The following CACNA1A variants were observed in gnomAD, a reference collection of about 807,000 sequenced individuals.
CACNA1A encodes the protein voltage-dependent P/Q-type calcium channel subunit alpha-1A.
In CACNA1A, 57 loss-of-function variants were observed where a neutral mutation model predicts 262.4. The ratio of observed to expected loss-of-function variants is 0.22; its 90% CI spans 0.18 to 0.27. The LOEUF (loss-of-function observed/expected upper bound fraction) is 0.27, where lower values mean the gene tolerates loss of function less well. Among genes scored for constraint, CACNA1A ranks in the 10% least tolerant of loss-of-function variants. The probability of loss-of-function intolerance (pLI) is 1.00; values close to 1 mark genes in which losing one functional copy is unlikely to be tolerated. For synonymous variants in CACNA1A, 1,431 were observed against 1,419.3 expected (o/e 1.01, Z -0.18); for missense variants, 2,526 against 3,562.8 (o/e 0.71, Z 7.41).
rs944209745 is a variant in CACNA1A at position 13,435,657 on chromosome 19, G to C, written c.539+17219C>G. Among the ~76,000 whole-genome samples, 4 of 152,114 alleles carry C rather than the reference G, an allele frequency of 2.6e-5. No homozygotes were observed. The South Asian group carries it at 6.2e-4, about 24-fold the overall frequency. On this transcript the variant is annotated intron_variant, in intron 3 of 46. Coordinates refer to ENST00000360228, the MANE Select transcript of CACNA1A (RefSeq NM_001127222.2). ...TAATTTACTCAAGATATTGAGAATA[G>C]CACTAGGTACAAATTGTGGATGAAT...
intron 6 of CACNA1A, among the ~76,000 whole-genome samples, chr19:13,358,743 C>A (rs1228772897): frequency 6.6e-6 from 1 of 152,118 alleles, no homozygotes; most frequent in Non-Finnish European, 1.5e-5. Context: ...CAAAAGCAGA[C>A]CACATACTAC....
intron 6 of CACNA1A, among the ~76,000 whole-genome samples, chr19:13,355,868 T>A (rs2058999494): frequency 6.6e-6 from 1 of 152,170 alleles, no homozygotes; most frequent in African/African-American, 2.4e-5. Context: ...CCGTGGCCTT[T>A]ACCCACTTGA....
rs77251294 is a variant in CACNA1A, at chr19:13,417,494, G to A, written c.539+35382C>T. 1.3e-4 allele frequency among the ~76,000 whole-genome samples: 20 copies of A among 152,264 alleles called. No homozygotes were observed. The East Asian group carries it at 3.1e-3, about 24-fold the overall frequency. ...TGAGGCAGCCTCCATCAAACCAGTC[G>A]TGGATTCTCTGTTTCTGTAGAGCTC... On this transcript the variant is annotated intron_variant, in intron 3 of 46. Transcript: ENST00000360228.
At chr19:13,359,886 T>C (rs2059072079) in intron 5 of CACNA1A, 87 bp from the exon 6 acceptor site, 5 of 840,164 alleles carry the variant, frequency 6.0e-6, no homozygotes, top group East Asian at 2.8e-5. Context: ...TATAATGCTG[T>C]TGGAACGAAT....
intron 3 of CACNA1A, among the ~76,000 whole-genome samples, chr19:13,384,523 C>A (rs183335910): frequency 4.8e-4 from 73 of 152,302 alleles, no homozygotes; most frequent in African/African-American, 1.7e-3. Context: ...CATGGCAAAA[C>A]TCCGTCTCTA....
At chr19:13,385,537 T>C (rs1303425188) in intron 3 of CACNA1A, among the ~76,000 whole-genome samples, 1 of 152,032 alleles carries the variant, frequency 6.6e-6, no homozygotes, top group East Asian at 1.9e-4. Context: ...CTTCTTTTCT[T>C]TTTTAGAGAC....
intron 11 of CACNA1A, 32 bp from the exon 12 acceptor site, chr19:13,312,813 G>T: frequency 1.7e-6 from 2 of 1,173,658 alleles, no homozygotes; most frequent in Admixed American, 2.5e-5. Context: ...CAGAGAGGAG[G>T]TTAGGCTTGC....
chr19:13,500,465 C>T (rs1371432230), intron 1 of CACNA1A, among the ~76,000 whole-genome samples: 3 of 152,240 alleles, frequency 2.0e-5, no homozygotes, highest in Admixed American at 1.3e-4. Context: ...TTTCTCTGAC[C>T]GGGATTTAAC....
chr19:13,412,137 C>T (rs994383801), intron 3 of CACNA1A, among the ~76,000 whole-genome samples: 2 of 152,114 alleles, frequency 1.3e-5, no homozygotes, highest in Non-Finnish European at 2.9e-5. Context: ...TTGAGGCCTC[C>T]GTTACTGCTT....
intron 3 of CACNA1A, among the ~76,000 whole-genome samples, chr19:13,429,823 T>C (rs2060472427): frequency 6.6e-6 from 1 of 151,702 alleles, no homozygotes; most frequent in African/African-American, 2.4e-5. Flanking sequence ...ACAATATGGA[T>C]GAGACTGGAG....
chr19:13,414,632 A>C (rs1055257431), intron 3 of CACNA1A, among the ~76,000 whole-genome samples: 7 of 152,074 alleles, frequency 4.6e-5, no homozygotes, highest in African/African-American at 1.7e-4. Context: ...GAGAAGAGAA[A>C]ATGTCTTAGC....
intron 19 of CACNA1A, 90 bp from the exon 20 acceptor site, chr19:13,287,056 A>T: frequency 5.3e-6 from 6 of 1,139,354 alleles, no homozygotes; most frequent in Non-Finnish European, 7.4e-6. Flanking sequence ...TCCATCTTTC[A>T]AGAGTACAAT....
chr19:13,473,730 C>G (rs1010755735), intron 1 of CACNA1A, among the ~76,000 whole-genome samples: 2 of 148,160 alleles, frequency 1.3e-5, no homozygotes, highest in Admixed American at 6.9e-5. Flanking sequence ...CATCCCAGTT[C>G]CAGGCACATG....
At chr19:13,252,959 G>GC in intron 30 of CACNA1A, 32 bp downstream of exon 30, 1 of 1,442,558 alleles carries the variant, frequency 6.9e-7, no homozygotes, top group South Asian at 1.1e-5. Flanking sequence ...CTTCTCCCAA[G>GC]CCCATAGCTG....
chr19:13,393,522 C>T (rs887968777), intron 3 of CACNA1A, among the ~76,000 whole-genome samples: 33 of 96,182 alleles, frequency 3.4e-4, no homozygotes, highest in East Asian at 2.5e-3. Context: ...CCTTCCTTCC[C>T]TCCCTCCTTC....
chr19:13,460,687 C>T (rs975057014), intron 1 of CACNA1A, among the ~76,000 whole-genome samples: 32 of 152,012 alleles, frequency 2.1e-4, no homozygotes, highest in Admixed American at 8.5e-4. Context: ...ACAGCAACGC[C>T]GGCCTCCCTT....
intron 1 of CACNA1A, among the ~76,000 whole-genome samples, chr19:13,471,976 T>C (rs780844280): frequency 1.2e-4 from 18 of 152,182 alleles, no homozygotes; most frequent in Non-Finnish European, 2.4e-4. Flanking sequence ...AAAAATTATT[T>C]TATTGAGACA....
intron 25 of CACNA1A, chr19:13,261,871 A>G (rs2056742418): frequency 2.6e-6 from 1 of 381,540 alleles, no homozygotes; most frequent in Admixed American, 4.1e-5. Flanking sequence ...AGCCCAACAC[A>G]GAAAAACAAG....
intron 11 of CACNA1A, chr19:13,315,445 C>A (rs1005269789): frequency 6.6e-6 from 1 of 152,068 alleles, no homozygotes; most frequent in African/African-American, 2.4e-5. Context: ...GAGTAAAGGA[C>A]CTTTATAGAC....
Sources: allele counts gnomAD v4.1 joint callset (sites outside exome capture counted in the v4.1 genomes callset), GRCh38; gene constraint gnomAD v4.1.1; transcripts MANE v1.5; gene names NCBI Gene and HGNC (gene_info 2026-07-23, HGNC 2026-07-21).